Variants in ATP9A observed in about 807,000 individuals in gnomAD.
The protein encoded by ATP9A is ATPase phospholipid transporting 9A, also known as probable phospholipid-transporting ATPase IIA.
In ATP9A, 52 loss-of-function variants were observed where a neutral mutation model predicts 144.1. That is an observed-to-expected ratio of 0.36 (90% CI 0.29 to 0.45). The LOEUF (loss-of-function observed/expected upper bound fraction) is 0.45. Among genes scored for constraint, ATP9A ranks in the 20% least tolerant of loss-of-function variants. ATP9A has a pLI of 1.00. For missense variants in ATP9A, 947 were observed against 1,392.7 expected (o/e 0.68, Z 5.09); for synonymous variants, 582 against 557.4 (o/e 1.04, Z -0.62).
chr20:51,676,663 G>C (rs2077478563), intron 9 of ATP9A, among the ~76,000 whole-genome samples: 1 of 152,138 alleles, frequency 6.6e-6, no homozygotes, highest in Non-Finnish European at 1.5e-5. Flanking sequence ...ATTTTTAGTA[G>C]ATACGGGGTT....
chr20:51,658,538 A>G (rs1207995992), intron 13 of ATP9A, among the ~76,000 whole-genome samples: 1 of 43,582 alleles, frequency 2.3e-5, no homozygotes, highest in South Asian at 8.9e-4. Context: ...TTTTTTTTTG[A>G]GACATGAGTC....
chr20:51,733,694 A>T (rs6021406), intron 1 of ATP9A, among the ~76,000 whole-genome samples: 124,706 of 150,070 alleles, frequency 0.83, 51,515 homozygotes, highest in African/African-American at 0.85. Flanking sequence ...ATTTTTTTTT[A>T]AATTAAAAAA....
chr20:51,686,297 T>C (rs1036015120), intron 9 of ATP9A, among the ~76,000 whole-genome samples: 1 of 151,238 alleles, frequency 6.6e-6, no homozygotes, highest in Non-Finnish European at 1.5e-5. Context: ...CACACCAACA[T>C]GGCACATGTA....
intron 1 of ATP9A, among the ~76,000 whole-genome samples, chr20:51,745,091 T>C (rs917094935): frequency 5.3e-5 from 8 of 151,966 alleles, no homozygotes; most frequent in African/African-American, 1.5e-4. Flanking sequence ...CTGGCCAACA[T>C]GGTGAAACCC....
chr20:51,755,238 C>T (rs957866509), intron 1 of ATP9A, among the ~76,000 whole-genome samples: 9 of 151,672 alleles, frequency 5.9e-5, no homozygotes, highest in Admixed American at 3.9e-4. Context: ...GAGTTCGAGA[C>T]CAGCCTGACC....
chr20:51,692,980 T>G (rs2077554658), intron 7 of ATP9A, among the ~76,000 whole-genome samples: 1 of 152,186 alleles, frequency 6.6e-6, no homozygotes, highest in Non-Finnish European at 1.5e-5. Context: ...AAGGAGTGGC[T>G]TCGATCCATG....
rs1218809924 is a variant in ATP9A, at chr20:51,638,117, A to ATC, written c.1668+1225_1668+1226insGA. On this transcript the variant is annotated intron_variant, in intron 15 of 27. Transcript: ENST00000338821. Reference sequence around the variant, plus strand: ...TATATATATATATATATATATATATATATATATCTCATAGTTCCTTTATCC... The same window carrying ATC: ...TATATATATATATATATATATATATATCTATATATCTCATAGTTCCTTTATCC... 1.2e-4 allele frequency among the ~76,000 whole-genome samples: 12 copies of ATC among 102,944 alleles called. 1 individual carries two copies. Among genetic ancestry groups the ATC allele is most frequent in the African/African-American group, 4.8e-4 (11 of 22,978 alleles). The allele number at this position is 102,944 out of a possible 152,430, so 67.5% of individuals were successfully genotyped here.
Position 51,768,344 on chromosome 20 carries a change from G to T in ATP9A, c.26C>A (p.Pro9Gln), listed in dbSNP as rs1180677931. Reference protein sequence around the residue: MTDNIPLQPVRQKKRMDSR... With the variant: MTDNIPLQQVRQKKRMDSR... ...GTCCATCCGCTTCTTCTGGCGCACC[G>T]GCTGCAGCGGGATGTTGTCCGTCAT... is the stretch of plus-strand genomic sequence containing the variant. The change falls in exon 1 of 28, where the codon CCG (proline) becomes CAG (glutamine). Residue 9 changes from proline to glutamine, a missense_variant. Pro to Gln is a moderately conservative substitution (Grantham distance 76). Around this residue, in one of 2 missense-constraint regions of ATP9A, gnomAD observed 770 missense variants for 1,047.9 expected, o/e 0.73. Coordinates refer to ENST00000338821, the MANE Select transcript of ATP9A (RefSeq NM_006045.3). 1.5e-6 allele frequency: 2 copies of T among 1,305,172 alleles called. No homozygotes were observed. The highest frequency in any genetic ancestry group is 1.5e-5 in the African/African-American group (1 of 65,406). The allele number at this position is 1,305,172 out of a possible 1,614,324, so 80.8% of individuals were successfully genotyped here. A position where few individuals can be genotyped will look rare whatever the true frequency, so the allele number is the denominator to read the frequency against.
chr20:51,661,758 C>T (rs2426358), intron 13 of ATP9A, among the ~76,000 whole-genome samples: 75,402 of 151,836 alleles, frequency 0.5, 19,465 homozygotes, highest in East Asian at 0.8. Context: ...TGATGACTCA[C>T]TCACCTCAAA....
intron 26 of ATP9A, among the ~76,000 whole-genome samples, chr20:51,606,506 G>A (rs1328208945): frequency 2.0e-5 from 3 of 152,172 alleles, no homozygotes; most frequent in African/African-American, 7.2e-5. Flanking sequence ...AGATCAGCCT[G>A]CACAACATGG....
chr20:51,750,744 C>T (rs985024395), intron 1 of ATP9A, among the ~76,000 whole-genome samples: 4 of 152,182 alleles, frequency 2.6e-5, no homozygotes, highest in Non-Finnish European at 5.9e-5. Context: ...AGGCTGACCC[C>T]GGAGCCAGCC....
At chr20:51,703,576 G>T (rs990108895) in intron 4 of ATP9A, among the ~76,000 whole-genome samples, 1 of 152,126 alleles carries the variant, frequency 6.6e-6, no homozygotes, top group Non-Finnish European at 1.5e-5. Flanking sequence ...CTGTAGCGAT[G>T]GACCCCCAAG....
At chr20:51,760,482 T>C (rs2077874466) in intron 1 of ATP9A, among the ~76,000 whole-genome samples, 1 of 152,156 alleles carries the variant, frequency 6.6e-6, no homozygotes. Flanking sequence ...ATCCCAGCAC[T>C]TTGGGAGGCC....
intron 14 of ATP9A, among the ~76,000 whole-genome samples, chr20:51,646,685 C>A (rs1297905272): frequency 6.6e-6 from 1 of 152,146 alleles, no homozygotes; most frequent in Non-Finnish European, 1.5e-5. Context: ...ATTTCCAGAC[C>A]TGATCTTTCT....
At chr20:51,621,058 A>C (rs1315140832) in intron 19 of ATP9A, among the ~76,000 whole-genome samples, 1 of 151,428 alleles carries the variant, frequency 6.6e-6, no homozygotes, top group Non-Finnish European at 1.5e-5. Flanking sequence ...GAGGCAGAAG[A>C]ATTGCTTGAA....
chr20:51,653,007 G>A (rs1390651461), intron 14 of ATP9A, among the ~76,000 whole-genome samples: 3 of 151,510 alleles, frequency 2.0e-5, no homozygotes, highest in African/African-American at 7.3e-5. Flanking sequence ...CTGCTGGGGA[G>A]ACTGAGGCAG....
At chr20:51,754,708 A>T (rs6013272) in intron 1 of ATP9A, among the ~76,000 whole-genome samples, 129,280 of 152,032 alleles carry the variant, frequency 0.85, 55,260 homozygotes, top group African/African-American at 0.92. Context: ...ACTAGCTAGT[A>T]GGAAGGCTGA....
chr20:51,613,149 T>C (rs2077190958), intron 23 of ATP9A, among the ~76,000 whole-genome samples: 1 of 152,170 alleles, frequency 6.6e-6, no homozygotes, highest in Non-Finnish European at 1.5e-5. Flanking sequence ...TTGTCAACAC[T>C]TAGCCTGATG....
At chr20:51,654,333 C>T (rs1288752785) in intron 14 of ATP9A, among the ~76,000 whole-genome samples, 4 of 152,116 alleles carry the variant, frequency 2.6e-5, no homozygotes, top group African/African-American at 4.8e-5. Context: ...GACACTCAAG[C>T]GTTCTTCCAT....
Sources: gnomAD v4.1 joint callset for allele counts (sites outside exome capture counted in the v4.1 genomes callset) on GRCh38, gnomAD v4.1.1 for gene constraint, gnomAD v4.1.1 regional missense constraint, MANE v1.5 for transcripts, NCBI Gene and HGNC (gene_info 2026-07-23, HGNC 2026-07-21) for gene names.